MTREX: variants seen among roughly 807,000 people sequenced by gnomAD.
MTREX encodes the protein Mtr4 exosome RNA helicase, also known as exosome RNA helicase MTR4.
Under a neutral mutation model 135.4 loss-of-function variants are expected in MTREX, and 76 were observed. That is an observed-to-expected ratio of 0.56 (90% CI 0.47 to 0.68). The LOEUF (loss-of-function observed/expected upper bound fraction) is 0.68. Among genes scored for constraint, MTREX ranks in the 30% least tolerant of loss-of-function variants. The pLI is 0.00. For synonymous variants in MTREX, 404 were observed against 401.6 expected, an observed-to-expected ratio of 1.01 and a Z score of -0.07; for missense variants, 920 against 1,262.1, an observed-to-expected ratio of 0.73 and a Z score of 4.11.
intron 22 of MTREX, among the ~76,000 whole-genome samples, chr5:55,410,103 T>G (rs1339871921): frequency 6.6e-6 from 1 of 152,158 alleles, no homozygotes; most frequent in East Asian, 1.9e-4. Flanking sequence ...AAAATGTGGT[T>G]CTTCTTATGA....
At chr5:55,406,364 C>G (rs1460591149) in intron 22 of MTREX, among the ~76,000 whole-genome samples, 1 of 152,188 alleles carries the variant, frequency 6.6e-6, no homozygotes, top group Non-Finnish European at 1.5e-5. Context: ...TCTGTTAGAG[C>G]TTCTCCATGT....
chr5:55,328,611 G>T, intron 4 of MTREX, 88 bp from the exon 5 acceptor site: 1 of 807,112 alleles, frequency 1.2e-6, no homozygotes, highest in East Asian at 2.6e-5. Flanking sequence ...AGAATGCTTT[G>T]GGGGGTAGCC....
At position 55,340,422 on chromosome 5, in the gene MTREX, T is replaced by A. The variant is rs187580740; in HGVS notation, c.690+238T>A. On this transcript the variant is annotated intron_variant, in intron 6 of 26. Coordinates refer to ENST00000230640, the MANE Select transcript of MTREX (RefSeq NM_015360.5). Reference sequence around the variant, plus strand: ...GATACATTTTTTTCTTCAGGTATTTTTAAAGTTTATTTCTGTCAGTGACAT... The same window carrying A: ...GATACATTTTTTTCTTCAGGTATTTATAAAGTTTATTTCTGTCAGTGACAT... Among the ~76,000 whole-genome samples, 547 of 152,348 alleles carry A rather than the reference T, an allele frequency of 3.6e-3. 5 individuals carry two copies. In the Middle Eastern group the frequency reaches 0.065, roughly 18 times the overall value.
At chr5:55,349,021 G>A (rs1749782704) in intron 11 of MTREX, among the ~76,000 whole-genome samples, 1 of 152,098 alleles carries the variant, frequency 6.6e-6, no homozygotes, top group Admixed American at 6.5e-5. Flanking sequence ...AGCACCAGAT[G>A]TGGTTATTGT....
chr5:55,356,164 C>T (rs1749908923), intron 14 of MTREX: 1 of 152,910 alleles, frequency 6.5e-6, no homozygotes, highest in Non-Finnish European at 1.5e-5. Flanking sequence ...GCTGAAGGCA[C>T]AGAGAAGGAA....
At chr5:55,318,262 T>C (rs1749230990) in intron 1 of MTREX, among the ~76,000 whole-genome samples, 1 of 152,142 alleles carries the variant, frequency 6.6e-6, no homozygotes, top group Non-Finnish European at 1.5e-5. Flanking sequence ...AGCAATCCCA[T>C]TACTGGGTAT....
chr5:55,422,897 G>A lies in MTREX; in HGVS notation c.2991G>A (p.Met997Ile). ...DVFEGSIIRC[M>I]RRLEELLRQM... is the part of the protein sequence containing the mutation. The stretch of plus-strand genomic sequence containing the variant: ...ATCCAGGCAGCATAATTCGTTGTAT[G>A]AGGCGCCTGGAAGAATTGCTTCGAC... Residue 997 changes from methionine (M) to isoleucine (I), a missense_variant, in exon 26 of 27, where the codon ATG becomes ATA. Physicochemically the swap from Met to Ile is conservative, Grantham distance 10 (BLOSUM62 1). Around this residue, in one of 6 missense-constraint regions of MTREX, gnomAD observed 467 missense variants for 589.7 expected, o/e 0.79. Transcript: ENST00000230640. The A allele has an allele frequency of 6.2e-7, 1 of 1,613,688 alleles. No homozygotes were observed. Among genetic ancestry groups the A allele is most frequent in the Non-Finnish European group, 8.5e-7 (1 of 1,179,842 alleles).
intron 20 of MTREX, among the ~76,000 whole-genome samples, chr5:55,399,987 T>G (rs1164636845): frequency 6.6e-6 from 1 of 152,216 alleles, no homozygotes; most frequent in Non-Finnish European, 1.5e-5. Flanking sequence ...TATGATCAAA[T>G]TGTGACTTGT....
intron 25 of MTREX, among the ~76,000 whole-genome samples, chr5:55,419,705 AGC>A (rs1345833487): frequency 7.9e-5 from 12 of 152,208 alleles, no homozygotes; most frequent in Admixed American, 2.0e-4. Context: ...CTTTCCACTG[AGC>A]AAGTGTCATT....
At chr5:55,361,399 T>C (rs1188953419) in intron 15 of MTREX, among the ~76,000 whole-genome samples, 2 of 152,254 alleles carry the variant, frequency 1.3e-5, no homozygotes, top group Non-Finnish European at 2.9e-5. Context: ...TGTTTGTTGC[T>C]GGTTGGAGCT....
At chr5:55,374,406 G>A (rs1750260689) in intron 16 of MTREX, among the ~76,000 whole-genome samples, 3 of 151,390 alleles carry the variant, frequency 2.0e-5, no homozygotes, top group Admixed American at 1.3e-4. Context: ...TCCAACCTCA[G>A]CCTCCCAAGT....
At chr5:55,375,482 C>A (rs1214120162) in intron 16 of MTREX, among the ~76,000 whole-genome samples, 1 of 152,188 alleles carries the variant, frequency 6.6e-6, no homozygotes, top group African/African-American at 2.4e-5. Flanking sequence ...TGGCTCTGTT[C>A]TGCCCGGCTC....
chr5:55,405,339 T>C, intron 21 of MTREX, 86 bp from the exon 22 acceptor site: 1 of 1,193,174 alleles, frequency 8.4e-7, no homozygotes, highest in South Asian at 1.5e-5. Context: ...TCTTTAAAAA[T>C]ATTTTTTGTT....
At chr5:55,382,027 T>C (rs767745128) in intron 18 of MTREX, among the ~76,000 whole-genome samples, 1 of 152,192 alleles carries the variant, frequency 6.6e-6, no homozygotes, top group Non-Finnish European at 1.5e-5. Context: ...TTTTCAGTCT[T>C]GTTTATATCA....
intron 3 of MTREX, among the ~76,000 whole-genome samples, chr5:55,325,826 C>T (rs535720770): frequency 6.6e-6 from 1 of 152,164 alleles, no homozygotes; most frequent in African/African-American, 2.4e-5. Flanking sequence ...TCTTTATGTC[C>T]ATGTGTACCC....
At chr5:55,421,496 G>A (rs1751055074) in intron 25 of MTREX, among the ~76,000 whole-genome samples, 1 of 152,210 alleles carries the variant, frequency 6.6e-6, no homozygotes, top group Non-Finnish European at 1.5e-5. Flanking sequence ...TTTACAAAAT[G>A]TGACATGACA....
intron 22 of MTREX, among the ~76,000 whole-genome samples, chr5:55,409,751 A>C (rs1266394836): frequency 6.6e-6 from 1 of 152,248 alleles, no homozygotes; most frequent in African/African-American, 2.4e-5. Context: ...CGTAGTGATG[A>C]GCTAGTACCT....
At chr5:55,321,688 A>G (rs1390349121) in intron 1 of MTREX, among the ~76,000 whole-genome samples, 2 of 143,256 alleles carry the variant, frequency 1.4e-5, no homozygotes, top group African/African-American at 5.3e-5. Context: ...AGCTTACTGC[A>G]GCATCTGCCT....
chr5:55,357,254 A>G (rs1030335334), intron 14 of MTREX: 14 of 152,500 alleles, frequency 9.2e-5, no homozygotes, highest in Non-Finnish European at 1.3e-4. Flanking sequence ...TCCTTTGCCA[A>G]TTGGGGTCTT....
Sources: gnomAD v4.1 joint callset for allele counts (sites outside exome capture counted in the v4.1 genomes callset) on GRCh38, gnomAD v4.1.1 for gene constraint, gnomAD v4.1.1 regional missense constraint, MANE v1.5 for transcripts, NCBI Gene and HGNC (gene_info 2026-07-23, HGNC 2026-07-21) for gene names.